Variants in VWC2L observed in about 807,000 individuals in gnomAD.
The protein encoded by VWC2L is von Willebrand factor C domain containing 2 like.
VWC2L carries 10 observed loss-of-function variants against 21.6 expected under a neutral mutation model. The observed-to-expected ratio is 0.46, with a 90% CI of 0.29 to 0.78. The LOEUF is 0.78. Ranked by LOEUF, VWC2L falls within the 30% of genes least tolerant of loss-of-function variation. VWC2L has a pLI of 0.10. For synonymous variants in VWC2L, 96 were observed against 94.3 expected (o/e 1.02, Z -0.10); for missense variants, 209 against 277.1 (o/e 0.75, Z 1.74).
intron 2 of VWC2L, among the ~76,000 whole-genome samples, chr2:214,426,072 T>C (rs1702520108): frequency 1.4e-5 from 2 of 147,592 alleles, no homozygotes; most frequent in African/African-American, 5.0e-5. Context: ...CTTTGGAGGC[T>C]GAGGCAGGAG....
intron 3 of VWC2L, among the ~76,000 whole-genome samples, chr2:214,493,754 G>C (rs55793235): frequency 0.033 from 5,026 of 152,266 alleles, 268 homozygotes; most frequent in African/African-American, 0.12. Flanking sequence ...GTACTGGGGA[G>C]GCAGAGTGTG....
At chr2:214,519,020 C>A (rs566866630) in intron 3 of VWC2L, among the ~76,000 whole-genome samples, 4 of 152,228 alleles carry the variant, frequency 2.6e-5, no homozygotes, top group South Asian at 4.1e-4. Context: ...GACTTGACTG[C>A]AATGAGCATT....
Position 214,499,537 on chromosome 2 carries a change from A to T in VWC2L, c.520+62779A>T, listed in dbSNP as rs1288401719. Among the ~76,000 whole-genome samples, 3 of 151,840 alleles carry T rather than the reference A, an allele frequency of 2.0e-5. No homozygotes were observed. The East Asian group carries it at 5.8e-4, about 30-fold the overall frequency. On this transcript the variant is annotated intron_variant, in intron 3 of 3. Coordinates refer to ENST00000312504, the MANE Select transcript of VWC2L (RefSeq NM_001080500.4). ...GGAGGGGTGGAGGGATAGCATTAGG[A>T]GATATACCTAATGTAAATGATGAGT...
intron 3 of VWC2L, among the ~76,000 whole-genome samples, chr2:214,454,785 G>C (rs1033979669): frequency 6.6e-6 from 1 of 151,350 alleles, no homozygotes; most frequent in Non-Finnish European, 1.5e-5. Flanking sequence ...TATATTTTTA[G>C]TAGAGATGGA....
At chr2:214,535,139 C>A (rs1689506169) in intron 3 of VWC2L, among the ~76,000 whole-genome samples, 2 of 152,152 alleles carry the variant, frequency 1.3e-5, no homozygotes, top group South Asian at 2.1e-4. Context: ...TTAGGCTAAA[C>A]AATAAAGTCT....
chr2:214,522,306 C>T (rs557761324), intron 3 of VWC2L, among the ~76,000 whole-genome samples: 224 of 137,254 alleles, frequency 1.6e-3, no homozygotes, highest in Non-Finnish European at 2.6e-3. Context: ...ACCCGGGAGG[C>T]GGAGCTTGCA....
At chr2:214,487,026 AC>A (rs1688681491) in intron 3 of VWC2L, among the ~76,000 whole-genome samples, 1 of 152,208 alleles carries the variant, frequency 6.6e-6, no homozygotes. Context: ...AACTAATAGG[AC>A]TGGTGTCCCT....
At chr2:214,506,406 G>A (rs1422989652) in intron 3 of VWC2L, among the ~76,000 whole-genome samples, 2 of 152,078 alleles carry the variant, frequency 1.3e-5, no homozygotes, top group African/African-American at 4.8e-5. Flanking sequence ...ATTGAGATTT[G>A]TATTTCTCCT....
intron 3 of VWC2L, among the ~76,000 whole-genome samples, chr2:214,565,612 TTTC>T (rs1417810537): frequency 2.0e-5 from 3 of 152,180 alleles, no homozygotes; most frequent in African/African-American, 7.2e-5. Context: ...ACAAGATTAA[TTTC>T]TTCATTGATG....
chr2:214,467,937 G>C (rs1469356232), intron 3 of VWC2L, among the ~76,000 whole-genome samples: 1 of 152,124 alleles, frequency 6.6e-6, no homozygotes, highest in Non-Finnish European at 1.5e-5. Context: ...CTTGAGCCCA[G>C]GAGTTAGAGA....
intron 3 of VWC2L, among the ~76,000 whole-genome samples, chr2:214,514,248 T>G (rs183625528): frequency 3.9e-5 from 6 of 152,200 alleles, no homozygotes; most frequent in Admixed American, 3.3e-4. Context: ...ATCTCTGTGT[T>G]AATACCAGAC....
At chr2:214,423,643 A>T (rs1702475767) in intron 2 of VWC2L, among the ~76,000 whole-genome samples, 1 of 152,126 alleles carries the variant, frequency 6.6e-6, no homozygotes, top group African/African-American at 2.4e-5. Context: ...GCACATCAAA[A>T]ATCAGTCTTT....
At chr2:214,513,334 C>T (rs1172212778) in intron 3 of VWC2L, among the ~76,000 whole-genome samples, 4 of 152,038 alleles carry the variant, frequency 2.6e-5, no homozygotes, top group Non-Finnish European at 4.4e-5. Flanking sequence ...CAAAATCATG[C>T]AAGCCAGGCA....
intron 3 of VWC2L, among the ~76,000 whole-genome samples, chr2:214,490,331 T>C (rs1393130812): frequency 6.6e-6 from 1 of 152,116 alleles, no homozygotes; most frequent in East Asian, 1.9e-4. Flanking sequence ...AAATCTTTTT[T>C]TTTTTTGGTC....
In VWC2L at chr2:214,577,123, C is replaced by T. The variant is rs1014356695; in HGVS notation, c.*1303C>T. 6.6e-6 allele frequency: 1 copy of T among 152,162 alleles called. No homozygotes were observed. Among genetic ancestry groups the T allele is most frequent in the African/African-American group, 2.4e-5 (1 of 41,442 alleles). 9.4% of individuals were successfully genotyped at this position (152,162 alleles called of 1,614,324 possible). ...TGCAAAATTAACAATTCTGAAACCA[C>T]ATGGCATAGTTAGTCGCTTATTCCA... is the stretch of plus-strand genomic sequence containing the variant. On this transcript the variant is annotated 3_prime_UTR_variant, in exon 4 of 4. Coordinates refer to ENST00000312504, the MANE Select transcript of VWC2L (RefSeq NM_001080500.4).
chr2:214,420,925 A>G (rs1232517517), intron 2 of VWC2L, among the ~76,000 whole-genome samples: 1 of 152,208 alleles, frequency 6.6e-6, no homozygotes, highest in East Asian at 1.9e-4. Context: ...AGTTGCTACA[A>G]AATAACAGTG....
At chr2:214,536,404 T>C (rs1288159856) in intron 3 of VWC2L, among the ~76,000 whole-genome samples, 1 of 152,108 alleles carries the variant, frequency 6.6e-6, no homozygotes, top group Non-Finnish European at 1.5e-5. Context: ...TGAAAACACC[T>C]TGTAGTGTTT....
intron 3 of VWC2L, among the ~76,000 whole-genome samples, chr2:214,483,845 G>C (rs891309147): frequency 6.6e-6 from 1 of 152,132 alleles, no homozygotes; most frequent in African/African-American, 2.4e-5. Context: ...GATTGGATTG[G>C]TTTTCTAGGG....
chr2:214,553,687 G>A (rs1315732554), intron 3 of VWC2L, among the ~76,000 whole-genome samples: 3 of 152,168 alleles, frequency 2.0e-5, no homozygotes, highest in Non-Finnish European at 4.4e-5. Context: ...TGATGTTAAT[G>A]CTGGTCAGCT....
Sources: gnomAD v4.1 joint callset for allele counts (sites outside exome capture counted in the v4.1 genomes callset) on GRCh38, gnomAD v4.1.1 for gene constraint, MANE v1.5 for transcripts, NCBI Gene and HGNC (gene_info 2026-07-23, HGNC 2026-07-21) for gene names.